The following ATXN7 variants were observed in gnomAD, a reference collection of about 807,000 sequenced individuals.
The protein encoded by ATXN7 is ataxin-7.
ATXN7 carries 12 observed loss-of-function variants against 70.5 expected under a neutral mutation model. The observed-to-expected ratio is 0.17, with a 90% CI of 0.11 to 0.28. The LOEUF is 0.28. Among genes scored for constraint, ATXN7 ranks in the 10% least tolerant of loss-of-function variants. The pLI, the probability that ATXN7 is intolerant of heterozygous loss-of-function variation, is 1.00. For missense variants in ATXN7, 1,256 were observed against 1,131.7 expected (o/e 1.11, Z -1.58); for synonymous variants, 498 against 448.7 (o/e 1.11, Z -1.39).
Position 63,989,964 on chromosome 3 carries a change from T to C in ATXN7, c.1362-212T>C, listed in dbSNP as rs184400838. Among the ~76,000 whole-genome samples, 221 of 152,266 alleles carry C rather than the reference T, an allele frequency of 1.5e-3. 2 individuals are homozygous for C. Among genetic ancestry groups the C allele is most frequent in the African/African-American group, 5.2e-3 (216 of 41,504 alleles). On this transcript the variant is annotated intron_variant, in intron 9 of 12. Coordinates refer to ENST00000674280, the MANE Select transcript of ATXN7 (RefSeq NM_001377405.1). Reference sequence around the variant, plus strand: ...GATTCGTTCTAAGTTACCTTGATTGTATCTGGCAAACAGCTGAACTTAACA... The same window carrying C: ...GATTCGTTCTAAGTTACCTTGATTGCATCTGGCAAACAGCTGAACTTAACA...
chr3:63,944,725 T>G (rs2074828710), intron 4 of ATXN7, among the ~76,000 whole-genome samples: 2 of 152,210 alleles, frequency 1.3e-5, no homozygotes, highest in African/African-American at 4.8e-5. Context: ...GACAAACATT[T>G]CTAATGTGGA....
At chr3:63,974,306 A>C (rs975383000) in intron 5 of ATXN7, among the ~76,000 whole-genome samples, 1 of 152,262 alleles carries the variant, frequency 6.6e-6, no homozygotes, top group African/African-American at 2.4e-5. Flanking sequence ...ACTGTCATCG[A>C]TGACAAATGT....
chr3:63,944,202 G>A (rs562553411), intron 4 of ATXN7, among the ~76,000 whole-genome samples: 39 of 152,308 alleles, frequency 2.6e-4, no homozygotes, highest in African/African-American at 6.7e-4. Context: ...CCCAGTAGAT[G>A]CCTGAAACTG....
intron 1 of ATXN7, chr3:63,866,817 A>G (rs1475359930): frequency 6.6e-6 from 1 of 152,222 alleles, no homozygotes; most frequent in African/African-American, 2.4e-5. Flanking sequence ...AGCCCTTACC[A>G]TACTAATGTT....
rs1360024858 is a variant in ATXN7 at position 63,954,707 on chromosome 3, T to TTTG, written c.499+2226_499+2227insGTT. On this transcript the variant is annotated intron_variant, in intron 5 of 12. Coordinates refer to ENST00000674280, the MANE Select transcript of ATXN7 (RefSeq NM_001377405.1). The stretch of plus-strand genomic sequence containing the variant: ...TACGGGTAGGAAAAAGTGTTTTTTT[T>TTTG]TTTGTTTTTTTTTTTTTTTGAGACG... Among the ~76,000 whole-genome samples the TTTG allele has an allele frequency of 4.9e-4, 72 of 145,746 alleles. 2 individuals carry two copies. Among genetic ancestry groups the TTTG allele is most frequent in the African/African-American group, 1.8e-3 (68 of 37,888 alleles).
In ATXN7 at chr3:64,003,189, C is replaced by CCTTGAAAG. The variant is rs2075853160; in HGVS notation, c.*3724_*3731dup. ...ACATACTGTCAGTGTGAATGTAGGG[C>CCTTGAAAG]CTTGAAAGCATTTTGCTTTTTTTTT... is the stretch of plus-strand genomic sequence containing the variant. On this transcript the variant is annotated 3_prime_UTR_variant, in exon 13 of 13. Coordinates refer to ENST00000674280, the MANE Select transcript of ATXN7 (RefSeq NM_001377405.1). 6.8e-6 allele frequency: 1 copy of CCTTGAAAG among 147,650 alleles called. No individual in the cohort carries two copies. Among genetic ancestry groups the CCTTGAAAG allele is most frequent in the South Asian group, 2.1e-4 (1 of 4,702 alleles). 9.1% of individuals were successfully genotyped at this position (147,650 alleles called of 1,614,324 possible).
At chr3:63,878,850 A>G (rs1313098071) in intron 1 of ATXN7, among the ~76,000 whole-genome samples, 1 of 152,202 alleles carries the variant, frequency 6.6e-6, no homozygotes, top group Non-Finnish European at 1.5e-5. Flanking sequence ...AGCCCAGAGC[A>G]GGGAGGGAAC....
At chr3:63,999,130 A>G (rs184808261) in intron 12 of ATXN7, 248 of 279,136 alleles carry the variant, frequency 8.9e-4, no homozygotes, top group Non-Finnish European at 1.4e-3. Context: ...AAGCACTGGA[A>G]TACCTTCAAG....
chr3:63,987,302 CTT>C (rs2075593532), intron 8 of ATXN7, among the ~76,000 whole-genome samples: 1 of 152,174 alleles, frequency 6.6e-6, no homozygotes, highest in Admixed American at 6.5e-5. Context: ...CATAATTTGA[CTT>C]TTCTTTTTCC....
At chr3:63,967,930 C>A (rs778565091) in intron 5 of ATXN7, 123 of 1,535,790 alleles carry the variant, frequency 8.0e-5, no homozygotes, top group Non-Finnish European at 9.9e-5. Context: ...TAGCAAGACG[C>A]CTCTCCAAAG....
rs1575824016 is a variant in ATXN7 at position 63,865,581 on chromosome 3, G to T, written c.-111+1423G>T. On this transcript the variant is annotated intron_variant, in intron 1 of 12. Transcript: ENST00000674280. The stretch of plus-strand genomic sequence containing the variant: ...ACAATACCAAGTTGCATTTTGGTGG[G>T]GATAGTTATTGTTTAGAAAGTAATT... Among the ~76,000 whole-genome samples the T allele has an allele frequency of 2.0e-5, 3 of 152,054 alleles. No homozygotes were observed. The South Asian group carries it at 6.2e-4, about 32-fold the overall frequency.
At chr3:63,865,819 C>T (rs184702073) in intron 1 of ATXN7, among the ~76,000 whole-genome samples, 15,935 of 134,236 alleles carry the variant, frequency 0.12, 974 homozygotes, top group Middle Eastern at 0.19. Context: ...GGCGTGAACC[C>T]GGGAGGCGGA....
At chr3:63,890,354 C>T (rs935035345) in intron 1 of ATXN7, among the ~76,000 whole-genome samples, 7 of 151,984 alleles carry the variant, frequency 4.6e-5, no homozygotes, top group African/African-American at 9.7e-5. Flanking sequence ...CATGTAAGAC[C>T]CAGCCCCTCT....
intron 4 of ATXN7, among the ~76,000 whole-genome samples, chr3:63,914,455 G>A (rs899507750): frequency 1.3e-5 from 2 of 152,158 alleles, no homozygotes; most frequent in Non-Finnish European, 2.9e-5. Flanking sequence ...GGAAAGCAAG[G>A]GAAAGCACAG....
Position 63,984,738 on chromosome 3 carries a change from A to G in ATXN7, c.1095+1717A>G, listed in dbSNP as rs181353600. ...TACAGCAGATGTCTAGAACTTGTTC[A>G]TCTTGCTATAACTGAAACTTTATGC... is the stretch of plus-strand genomic sequence containing the variant. On this transcript the variant is annotated intron_variant, in intron 8 of 12. Coordinates refer to ENST00000674280, the MANE Select transcript of ATXN7 (RefSeq NM_001377405.1). Among the ~76,000 whole-genome samples the G allele has an allele frequency of 1.5e-3, 224 of 152,352 alleles. 2 individuals carry two copies. Among genetic ancestry groups the G allele is most frequent in the Middle Eastern group, 3.4e-3 (1 of 294 alleles).
In ATXN7 at chr3:63,888,246, A is replaced by G. The variant is rs560346728; in HGVS notation, c.-110-10153A>G. Reference sequence around the variant, plus strand: ...TTTATAATTCAACATGGTTTTGGCTATTTTTTAACTTTTTATTTTGAGATA... The same window carrying G: ...TTTATAATTCAACATGGTTTTGGCTGTTTTTTAACTTTTTATTTTGAGATA... On this transcript the variant is annotated intron_variant, in intron 1 of 12. Coordinates refer to ENST00000674280, the MANE Select transcript of ATXN7 (RefSeq NM_001377405.1). Among the ~76,000 whole-genome samples, 49 of 152,222 alleles carry G rather than the reference A, an allele frequency of 3.2e-4. No homozygotes were observed. The East Asian group carries it at 6.2e-3, about 19-fold the overall frequency.
At chr3:63,978,716 G>A (rs1364098638) in intron 5 of ATXN7, among the ~76,000 whole-genome samples, 1 of 152,172 alleles carries the variant, frequency 6.6e-6, no homozygotes, top group African/African-American at 2.4e-5. Flanking sequence ...AATTTTGTCT[G>A]TAGATAGCTA....
At chr3:63,917,583 A>C (rs1704334919) in intron 4 of ATXN7, among the ~76,000 whole-genome samples, 1 of 152,210 alleles carries the variant, frequency 6.6e-6, no homozygotes, top group African/African-American at 2.4e-5. Context: ...AACTTCTCTA[A>C]GTCTAACCGT....
intron 2 of ATXN7, chr3:63,905,901 T>C (rs1703822399): frequency 2.0e-5 from 3 of 152,206 alleles, no homozygotes; most frequent in Non-Finnish European, 2.9e-5. Flanking sequence ...GAGCCATAGA[T>C]GATGTCATTT....
Sources: gnomAD v4.1 joint callset for allele counts (sites outside exome capture counted in the v4.1 genomes callset) on GRCh38, gnomAD v4.1.1 for gene constraint, MANE v1.5 for transcripts, NCBI Gene and HGNC (gene_info 2026-07-23, HGNC 2026-07-21) for gene names.